Variants in PCSK2 observed in about 807,000 individuals in gnomAD.
PCSK2 encodes proprotein convertase subtilisin/kexin type 2.
In PCSK2, 14 loss-of-function variants were observed where a neutral mutation model predicts 69.7. The observed-to-expected ratio is 0.20, with a 90% CI of 0.13 to 0.31. The LOEUF is 0.31. Ranked by LOEUF, PCSK2 falls within the 10% of genes least tolerant of loss-of-function variation. PCSK2 has a pLI of 1.00. For missense variants in PCSK2, 544 were observed against 842.5 expected, an observed-to-expected ratio of 0.65 and a Z score of 4.39; for synonymous variants, 307 against 320.7, an observed-to-expected ratio of 0.96 and a Z score of 0.46.
chr20:17,396,122 C>G (rs768354837), intron 5 of PCSK2, among the ~76,000 whole-genome samples: 4 of 152,202 alleles, frequency 2.6e-5, no homozygotes, highest in Non-Finnish European at 5.9e-5. Flanking sequence ...TTGACTTGTA[C>G]CTCATCACCT....
At chr20:17,422,955 T>G (rs2032164326) in intron 6 of PCSK2, among the ~76,000 whole-genome samples, 1 of 152,206 alleles carries the variant, frequency 6.6e-6, no homozygotes, top group African/African-American at 2.4e-5. Flanking sequence ...CACCACATAC[T>G]GAGCATAAAT....
intron 5 of PCSK2, among the ~76,000 whole-genome samples, chr20:17,380,492 TA>T (rs995783218): frequency 3.9e-5 from 6 of 152,238 alleles, no homozygotes; most frequent in Admixed American, 3.3e-4. Context: ...GCTTCTTAAC[TA>T]TGTGCCCTAG....
chr20:17,456,968 T>C (rs1276873884), intron 10 of PCSK2, among the ~76,000 whole-genome samples: 1 of 152,186 alleles, frequency 6.6e-6, no homozygotes, highest in Non-Finnish European at 1.5e-5. Flanking sequence ...GACCAAGATA[T>C]GGGCTTTCCT....
intron 11 of PCSK2, among the ~76,000 whole-genome samples, chr20:17,472,953 C>A (rs6080705): frequency 0.24 from 35,986 of 152,040 alleles, 4,978 homozygotes; most frequent in East Asian, 0.39. Flanking sequence ...TGACACAAGG[C>A]AGTTTAAACA....
intron 5 of PCSK2, among the ~76,000 whole-genome samples, chr20:17,399,288 C>T (rs907799891): frequency 1.3e-5 from 2 of 152,226 alleles, no homozygotes; most frequent in Non-Finnish European, 2.9e-5. Context: ...AAATTTTCCA[C>T]ACCATTACTT....
At chr20:17,459,008 T>G (rs535600356) in intron 10 of PCSK2, among the ~76,000 whole-genome samples, 6 of 152,234 alleles carry the variant, frequency 3.9e-5, no homozygotes, top group African/African-American at 1.4e-4. Flanking sequence ...CATAAGAAGA[T>G]CAGTTTTTGA....
At chr20:17,252,994 A>G (rs1357466139) in intron 1 of PCSK2, among the ~76,000 whole-genome samples, 1 of 152,212 alleles carries the variant, frequency 6.6e-6, no homozygotes, top group East Asian at 1.9e-4. Context: ...GGGAAAAAGG[A>G]TATTTTTATT....
chr20:17,449,051 G>C (rs576077973), intron 8 of PCSK2, among the ~76,000 whole-genome samples: 231 of 152,266 alleles, frequency 1.5e-3, no homozygotes, highest in Non-Finnish European at 2.9e-3. Flanking sequence ...CTTTTGTACA[G>C]ATGGGGGTGA....
At chr20:17,355,242 T>C (rs1411286946) in intron 2 of PCSK2, among the ~76,000 whole-genome samples, 4 of 152,174 alleles carry the variant, frequency 2.6e-5, no homozygotes, top group African/African-American at 9.7e-5. Flanking sequence ...TTTATAAAGG[T>C]GAAATCTGAT....
intron 5 of PCSK2, among the ~76,000 whole-genome samples, chr20:17,388,022 C>T (rs2031281666): frequency 6.6e-6 from 1 of 152,044 alleles, no homozygotes; most frequent in African/African-American, 2.4e-5. Context: ...GAGGAGTTAG[C>T]CAGGAATCTG....
intron 1 of PCSK2, among the ~76,000 whole-genome samples, chr20:17,239,156 GGT>G (rs1385431516): frequency 6.6e-6 from 1 of 152,184 alleles, no homozygotes; most frequent in Non-Finnish European, 1.5e-5. Flanking sequence ...AGGAGAATAA[GGT>G]GACCCACAAA....
chr20:17,315,749 G>C (rs1666414824), intron 2 of PCSK2, among the ~76,000 whole-genome samples: 1 of 152,332 alleles, frequency 6.6e-6, no homozygotes, highest in Admixed American at 6.5e-5. Flanking sequence ...TGAGTCTGGC[G>C]CTGGGTGAAT....
intron 5 of PCSK2, among the ~76,000 whole-genome samples, chr20:17,401,777 T>C (rs2031642863): frequency 6.6e-6 from 1 of 152,220 alleles, no homozygotes; most frequent in African/African-American, 2.4e-5. Flanking sequence ...CTGCTAATAA[T>C]ACTGTTGTTT....
chr20:17,476,652 C>G (rs959197364), intron 11 of PCSK2, among the ~76,000 whole-genome samples: 3 of 152,154 alleles, frequency 2.0e-5, no homozygotes, highest in African/African-American at 7.2e-5. Context: ...CTGTTCAGGG[C>G]AGGAATTAAT....
intron 2 of PCSK2, among the ~76,000 whole-genome samples, chr20:17,346,484 A>G (rs1481940401): frequency 6.6e-6 from 1 of 152,118 alleles, no homozygotes; most frequent in Non-Finnish European, 1.5e-5. Context: ...CCTGCCTGCA[A>G]TGGAAAACAG....
chr20:17,479,155 G>T (rs1251453612), intron 11 of PCSK2: 4 of 1,381,668 alleles, frequency 2.9e-6, no homozygotes, highest in East Asian at 4.6e-5. Context: ...TACGGTACAG[G>T]TTCCATCAGA....
chr20:17,249,874 A>C (rs1986910462), intron 1 of PCSK2, among the ~76,000 whole-genome samples: 2 of 152,302 alleles, frequency 1.3e-5, no homozygotes, highest in African/African-American at 2.4e-5. Flanking sequence ...GTAGGTACAG[A>C]GTTTCAGTTT....
At position 17,453,420 on chromosome 20, in the gene PCSK2, T is replaced by C. The variant is rs1411681390; in HGVS notation, c.886-322T>C. On this transcript the variant is annotated intron_variant, in intron 8 of 11. Coordinates refer to ENST00000262545, the MANE Select transcript of PCSK2 (RefSeq NM_002594.5). This position sits in a 1 kb window ranked among gnomAD's most constrained non-coding sequence, Gnocchi z 4.0. ...CCTTTCCATACAGTTAGACTTTTCA[T>C]TGTGAGCATGTACCACCTTTCTAGC... Among the ~76,000 whole-genome samples the C allele has an allele frequency of 3.3e-5, 5 of 152,222 alleles. No individual in the cohort carries two copies. The highest frequency in any genetic ancestry group is 7.2e-5 in the African/African-American group (3 of 41,464).
intron 2 of PCSK2, among the ~76,000 whole-genome samples, chr20:17,318,253 A>T (rs1001679446): frequency 1.3e-5 from 2 of 152,160 alleles, no homozygotes; most frequent in Non-Finnish European, 2.9e-5. Flanking sequence ...CAGTCCTTGA[A>T]CTTGTGTTCT....
Sources: allele counts gnomAD v4.1 joint callset (sites outside exome capture counted in the v4.1 genomes callset), GRCh38; gene constraint gnomAD v4.1.1; non-coding constraint Gnocchi (gnomAD v3.1); transcripts MANE v1.5; gene names NCBI Gene and HGNC (gene_info 2026-07-23, HGNC 2026-07-21).